SORBS2: variants seen among roughly 807,000 people sequenced by gnomAD.
SORBS2 encodes sorbin and SH3 domain containing 2, also known as sorbin and SH3 domain-containing protein 2.
In SORBS2, 46 loss-of-function variants were observed where a neutral mutation model predicts 97.7. That is an observed-to-expected ratio of 0.47 (90% CI 0.37 to 0.60). The LOEUF (loss-of-function observed/expected upper bound fraction) is 0.60. Ranked by LOEUF, SORBS2 falls within the 20% of genes least tolerant of loss-of-function variation. The probability of loss-of-function intolerance (pLI) is 0.00; values close to 1 mark genes in which losing one functional copy is unlikely to be tolerated. For synonymous variants in SORBS2, 476 were observed against 473.4 expected (o/e 1.01, Z -0.07); for missense variants, 1,316 against 1,282.3 (o/e 1.03, Z -0.40).
intron 1 of SORBS2, among the ~76,000 whole-genome samples, chr4:185,829,554 C>T (rs1217664495): frequency 9.9e-5 from 15 of 152,166 alleles, no homozygotes; most frequent in Admixed American, 6.5e-5. Flanking sequence ...TTCCCATCCC[C>T]ATCCCCGTTC....
At chr4:185,943,259 T>G (rs985295126) in intron 1 of SORBS2, among the ~76,000 whole-genome samples, 1 of 152,192 alleles carries the variant, frequency 6.6e-6, no homozygotes, top group East Asian at 1.9e-4. Flanking sequence ...ATATTCCACA[T>G]AGTAACAAAT....
intron 2 of SORBS2, among the ~76,000 whole-genome samples, chr4:185,680,392 C>CA (rs1407037194): frequency 4.6e-5 from 7 of 151,992 alleles, no homozygotes; most frequent in Non-Finnish European, 8.8e-5. Flanking sequence ...TACAGTTTGA[C>CA]AAAAAATACA....
At chr4:185,593,260 A>C (rs1303885366) in intron 13 of SORBS2, 3 of 152,366 alleles carry the variant, frequency 2.0e-5, no homozygotes, top group African/African-American at 7.2e-5. Flanking sequence ...GGCCCGAAAA[A>C]GAAACACACA....
chr4:185,694,616 TGGAAGG>T lies in SORBS2; in HGVS notation c.-197-15800_-197-15795del, dbSNP rs1279977551. Among the ~76,000 whole-genome samples, 13 of 152,360 alleles carry T rather than the reference TGGAAGG, an allele frequency of 8.5e-5. No individual in the cohort carries two copies. In the East Asian group the frequency reaches 2.3e-3, roughly 27 times the overall value. On this transcript the variant is annotated intron_variant, in intron 2 of 20. Transcript: ENST00000284776. ...GGCAATAGATTGTGTTGATTGTTCA[TGGAAGG>T]GCTGTAAACAGCATGACTTCGGGTC... is the stretch of plus-strand genomic sequence containing the variant.
chr4:185,872,117 C>G (rs1403982084), intron 1 of SORBS2, among the ~76,000 whole-genome samples: 1 of 152,170 alleles, frequency 6.6e-6, no homozygotes, highest in Non-Finnish European at 1.5e-5. Flanking sequence ...TCATCATGCT[C>G]TAGCCTCATT....
rs1243461285 is a variant in SORBS2 at position 185,623,777 on chromosome 4, C to T, written c.1352G>A (p.Arg451Lys). Residue 451 changes from arginine (R) to lysine (K), a missense_variant, in exon 7 of 15, where the codon AGG becomes AAG. Physicochemically the swap from Arg to Lys is conservative, Grantham distance 26. Transcript: ENST00000418609. This position sits in a 1 kb window ranked among gnomAD's most constrained non-coding sequence, Gnocchi z 6.4. ...CAGCAAATACTCAATGGAAAACCGCCTCTTGGGACATAGGCCATTTTGCGG... is the reference window on the plus strand; with the variant it reads ...CAGCAAATACTCAATGGAAAACCGCTTCTTGGGACATAGGCCATTTTGCGG... The T allele has an allele frequency of 6.2e-7, 1 of 1,614,220 alleles. No individual in the cohort carries two copies. The highest frequency in any genetic ancestry group is 2.2e-5 in the East Asian group (1 of 44,876).
intron 14 of SORBS2, among the ~76,000 whole-genome samples, chr4:185,588,747 T>TG (rs1431157103): frequency 6.6e-6 from 1 of 152,088 alleles, no homozygotes; most frequent in African/African-American, 2.4e-5. Flanking sequence ...CCTGAGTGGC[T>TG]GGGATTACAG....
At chr4:185,848,301 A>G (rs1174343023) in intron 1 of SORBS2, among the ~76,000 whole-genome samples, 1 of 152,166 alleles carries the variant, frequency 6.6e-6, no homozygotes, top group Non-Finnish European at 1.5e-5. Context: ...TTAACCACAG[A>G]ACCCCTAATA....
chr4:185,657,630 CG>C (rs772016185), upstream of SORBS2: 2 of 1,569,636 alleles, frequency 1.3e-6, no homozygotes, highest in Non-Finnish European at 1.7e-6. Flanking sequence ...GGAACGTATT[CG>C]TTGCACAGGG....
chr4:185,823,581 G>A (rs1168700725), intron 1 of SORBS2, among the ~76,000 whole-genome samples: 1 of 149,116 alleles, frequency 6.7e-6, no homozygotes, highest in Non-Finnish European at 1.5e-5. Flanking sequence ...CTGACTTTAT[G>A]AAAAGTCAGA....
chr4:185,671,255 ATCAGGGGAGTAAATATT>A (rs1349894739), intron 4 of SORBS2, among the ~76,000 whole-genome samples: 5 of 152,222 alleles, frequency 3.3e-5, no homozygotes, highest in African/African-American at 7.2e-5. Flanking sequence ...TGGCATCTGA[ATCAGGGGAGTAAATATT>A]TCTACTGTAC....
intron 4 of SORBS2, among the ~76,000 whole-genome samples, chr4:185,631,195 CAGGTAAATAGTTATACTTTTACAATT>C (rs2096900835): frequency 6.6e-6 from 1 of 152,164 alleles, no homozygotes; most frequent in African/African-American, 2.4e-5. Flanking sequence ...GTACTTCAAT[CAGGTAAATAGTTATACTTTTACAATT>C]AGGTGAGTTC....
chr4:185,768,715 A>C (rs202243320), intron 2 of SORBS2, among the ~76,000 whole-genome samples: 14,468 of 140,852 alleles, frequency 0.1, 966 homozygotes, highest in South Asian at 0.17. Flanking sequence ...AAAAAAACAA[A>C]AAAACAAAAA....
At chr4:185,772,729 TGGG>T (rs2098978532) in intron 2 of SORBS2, 1 of 152,214 alleles carries the variant, frequency 6.6e-6, no homozygotes. Flanking sequence ...GGGAGTTTAC[TGGG>T]GGAAAACGTG....
intron 2 of SORBS2, among the ~76,000 whole-genome samples, chr4:185,760,752 C>G (rs540646451): frequency 6.6e-6 from 1 of 152,320 alleles, no homozygotes; most frequent in African/African-American, 2.4e-5. Flanking sequence ...TAAAAGTGTG[C>G]AGTGCATTAA....
chr4:185,794,650 T>C (rs926279736), intron 1 of SORBS2, among the ~76,000 whole-genome samples: 4 of 151,896 alleles, frequency 2.6e-5, no homozygotes, highest in African/African-American at 9.7e-5. Context: ...GCTTTTACCA[T>C]GACAAGGTGT....
chr4:185,825,333 A>C (rs1344798718), intron 1 of SORBS2, among the ~76,000 whole-genome samples: 3 of 152,146 alleles, frequency 2.0e-5, no homozygotes, highest in African/African-American at 7.2e-5. Context: ...GAAATATTAA[A>C]TCTCTTCCTT....
intron 2 of SORBS2, among the ~76,000 whole-genome samples, chr4:185,763,365 C>A (rs2098915304): frequency 6.6e-6 from 1 of 152,114 alleles, no homozygotes; most frequent in African/African-American, 2.4e-5. Flanking sequence ...AAACCTGTAC[C>A]ACCTGCTATA....
intron 1 of SORBS2, among the ~76,000 whole-genome samples, chr4:185,871,698 G>A (rs1161970571): frequency 1.3e-5 from 2 of 152,180 alleles, no homozygotes; most frequent in Admixed American, 1.3e-4. Flanking sequence ...GTAGCTGACC[G>A]GCATATTGCA....
Sources: allele counts gnomAD v4.1 joint callset (sites outside exome capture counted in the v4.1 genomes callset), GRCh38; gene constraint gnomAD v4.1.1; non-coding constraint Gnocchi (gnomAD v3.1); transcripts MANE v1.5; gene names NCBI Gene and HGNC (gene_info 2026-07-23, HGNC 2026-07-21).